The following HPSE2 variants were observed in gnomAD, a reference collection of about 807,000 sequenced individuals.
HPSE2 encodes the protein inactive heparanase-2.
HPSE2 carries 38 observed loss-of-function variants against 60.5 expected under a neutral mutation model. That is an observed-to-expected ratio of 0.63 (90% confidence interval 0.48 to 0.82). The LOEUF is 0.82. Ranked by LOEUF, HPSE2 falls within the 40% of genes least tolerant of loss-of-function variation. The probability of loss-of-function intolerance (pLI) is 0.00; values close to 1 mark genes in which losing one functional copy is unlikely to be tolerated. For synonymous variants in HPSE2, 295 were observed against 293.2 expected (o/e 1.01, Z -0.06); for missense variants, 713 against 740.4 (o/e 0.96, Z 0.43).
intron 3 of HPSE2, among the ~76,000 whole-genome samples, chr10:99,111,251 C>T (rs1448612267): frequency 6.6e-6 from 1 of 152,066 alleles, no homozygotes; most frequent in Non-Finnish European, 1.5e-5. Context: ...ACTTGTCAGC[C>T]CTCTGACTTT....
the HPSE2 span, among the ~76,000 whole-genome samples, chr10:99,303,439 C>T: frequency 6.6e-6 from 1 of 152,074 alleles, no homozygotes; most frequent in Non-Finnish European, 1.5e-5. Flanking sequence ...AAATATTGCC[C>T]CCTCCCCAAA....
At chr10:99,183,978 GAAGA>G (rs1847876089) in intron 2 of HPSE2, among the ~76,000 whole-genome samples, 3 of 151,896 alleles carry the variant, frequency 2.0e-5, no homozygotes, top group Admixed American at 6.6e-5. Flanking sequence ...AACAAATTTT[GAAGA>G]AAGCCTTAAA....
intron 9 of HPSE2, among the ~76,000 whole-genome samples, chr10:98,545,165 G>A (rs1037417842): frequency 6.6e-6 from 1 of 152,004 alleles, no homozygotes; most frequent in Admixed American, 6.6e-5. Context: ...ATAATCAATA[G>A]CTTACCAAAC....
chr10:98,833,824 G>A (rs1951734536), intron 3 of HPSE2, among the ~76,000 whole-genome samples: 2 of 151,972 alleles, frequency 1.3e-5, no homozygotes, highest in Admixed American at 6.6e-5. Context: ...TAAAACATCT[G>A]GTACAATCCT....
At chr10:98,840,917 A>T (rs1951896292) in intron 3 of HPSE2, among the ~76,000 whole-genome samples, 1 of 152,188 alleles carries the variant, frequency 6.6e-6, no homozygotes, top group African/African-American at 2.4e-5. Context: ...TTGGTTCATG[A>T]CATACTGTAA....
At chr10:99,239,595 A>C (rs1415157080), upstream of HPSE2, among the ~76,000 whole-genome samples, 1 of 151,570 alleles carries the variant, frequency 6.6e-6, no homozygotes, top group Non-Finnish European at 1.5e-5. Context: ...ACGCGCAGCT[A>C]ATTTTTTGTA....
chr10:99,144,787 TC>T (rs1384575342), intron 2 of HPSE2, among the ~76,000 whole-genome samples: 1 of 152,156 alleles, frequency 6.6e-6, no homozygotes, highest in Non-Finnish European at 1.5e-5. Context: ...AAGGTCATTC[TC>T]TCTACCTCGT....
chr10:98,763,703 A>G (rs919395056), intron 3 of HPSE2, among the ~76,000 whole-genome samples: 2 of 151,954 alleles, frequency 1.3e-5, no homozygotes, highest in African/African-American at 4.8e-5. Context: ...AAATATCTTC[A>G]AAGTGCTGAA....
At chr10:99,285,523 T>G in the HPSE2 span, among the ~76,000 whole-genome samples, 1,595 of 17,264 alleles carry the variant, frequency 0.092, no homozygotes, top group Middle Eastern at 0.15. Context: ...AGGAGTAGGG[T>G]GGAGGGAGGG....
intron 3 of HPSE2, among the ~76,000 whole-genome samples, chr10:98,789,753 G>A (rs1267260871): frequency 6.6e-6 from 1 of 152,134 alleles, no homozygotes; most frequent in East Asian, 1.9e-4. Context: ...AATATGAGCA[G>A]TATATCTCCA....
chr10:98,547,518 A>T (rs1465067017), intron 9 of HPSE2, among the ~76,000 whole-genome samples: 1 of 148,528 alleles, frequency 6.7e-6, no homozygotes, highest in Non-Finnish European at 1.5e-5. Flanking sequence ...ACATGGATGA[A>T]ATTGGAAATC....
At chr10:98,864,398 T>C (rs1343649823) in intron 3 of HPSE2, among the ~76,000 whole-genome samples, 3 of 152,156 alleles carry the variant, frequency 2.0e-5, no homozygotes, top group Non-Finnish European at 2.9e-5. Context: ...ACCTAAGTTT[T>C]CTCACACACA....
chr10:99,274,375 C>T, the HPSE2 span, among the ~76,000 whole-genome samples: 2,854 of 152,086 alleles, frequency 0.019, 46 homozygotes, highest in Non-Finnish European at 0.03. Context: ...AGTCCACAAA[C>T]CTGCACGTCC....
chr10:98,492,844 A>T (rs573361776), intron 9 of HPSE2, among the ~76,000 whole-genome samples: 82 of 152,288 alleles, frequency 5.4e-4, no homozygotes, highest in Admixed American at 1.6e-3. Flanking sequence ...AAAATTTACC[A>T]TCTTAACCAT....
At chr10:99,294,077 T>C in the HPSE2 span, among the ~76,000 whole-genome samples, 1 of 152,136 alleles carries the variant, frequency 6.6e-6, no homozygotes, top group Non-Finnish European at 1.5e-5. Context: ...CCTCAAGATA[T>C]TTATCTCAGG....
chr10:98,556,168 A>C (rs1944002683), intron 9 of HPSE2, among the ~76,000 whole-genome samples: 1 of 152,250 alleles, frequency 6.6e-6, no homozygotes, highest in South Asian at 2.1e-4. Flanking sequence ...ATAGCGACAC[A>C]GAGTCTAGAT....
the HPSE2 span, among the ~76,000 whole-genome samples, chr10:99,311,127 A>G: frequency 6.6e-6 from 1 of 152,192 alleles, no homozygotes; most frequent in Non-Finnish European, 1.5e-5. Flanking sequence ...TTTTTTGACC[A>G]TAAGGCTTTG....
At chr10:98,735,438 C>A (rs1949332537) in intron 4 of HPSE2, among the ~76,000 whole-genome samples, 1 of 151,268 alleles carries the variant, frequency 6.6e-6, no homozygotes, top group South Asian at 2.1e-4. Flanking sequence ...TCTGTTAGGG[C>A]AGTGTGGAAG....
chr10:98,883,286 C>T (rs1164199251), intron 3 of HPSE2, among the ~76,000 whole-genome samples: 1 of 152,044 alleles, frequency 6.6e-6, no homozygotes, highest in Admixed American at 6.6e-5. Context: ...GACCACAAGG[C>T]ATGGGTGTTA....
Sources: gnomAD v4.1 joint callset for allele counts (sites outside exome capture counted in the v4.1 genomes callset) on GRCh38, gnomAD v4.1.1 for gene constraint, MANE v1.5 for transcripts, NCBI Gene and HGNC (gene_info 2026-07-23, HGNC 2026-07-21) for gene names.